KIF4A: variants seen among roughly 807,000 people sequenced by gnomAD.
The protein encoded by KIF4A is kinesin family member 4A.
A neutral mutation model predicts 105.9 loss-of-function variants in KIF4A; 7 were observed. The observed-to-expected ratio is 0.07, with a 90% CI of 0.04 to 0.12. The LOEUF is 0.12. Among genes scored for constraint, KIF4A ranks in the 10% least tolerant of loss-of-function variants. The pLI is 1.00. For missense variants in KIF4A, 558 were observed against 929.2 expected (o/e 0.60, Z 5.19); for synonymous variants, 281 against 331.3 (o/e 0.85, Z 1.65).
chrX:70,367,914 A>G (rs1169872551), intron 15 of KIF4A, among the ~76,000 whole-genome samples: 4 of 111,514 alleles, frequency 3.6e-5, no homozygotes, highest in African/African-American at 1.3e-4. Flanking sequence ...TGGTCTTTTC[A>G]CATAGTCCCA....
intron 13 of KIF4A, among the ~76,000 whole-genome samples, chrX:70,351,008 C>G (rs2086028076): frequency 9.0e-6 from 1 of 111,604 alleles, no homozygotes; most frequent in African/African-American, 3.3e-5. Flanking sequence ...CAAATTAGTC[C>G]TATTAAGTAG....
chrX:70,290,380 T>C (rs1172496379), intron 1 of KIF4A, 58 bp from the exon 2 acceptor site: 4 of 1,148,722 alleles, frequency 3.5e-6, no homozygotes, highest in Non-Finnish European at 1.2e-6. Flanking sequence ...GAGGACGCCC[T>C]CCCACCCCTG....
chrX:70,290,417 C>G (rs1026859684), intron 1 of KIF4A, 21 bp from the exon 2 acceptor site: 3 of 1,189,917 alleles, frequency 2.5e-6, no homozygotes, highest in Non-Finnish European at 3.4e-6. Context: ...CATCAGCGAG[C>G]CTTCTTTTTC....
chrX:70,414,317 T>G (rs900697640), intron 28 of KIF4A, among the ~76,000 whole-genome samples: 1 of 111,679 alleles, frequency 9.0e-6, no homozygotes, highest in Non-Finnish European at 1.9e-5. Flanking sequence ...GCAAAGGTGA[T>G]GGTTCTCATA....
chrX:70,371,589 C>A (rs2086133466), intron 15 of KIF4A, among the ~76,000 whole-genome samples: 1 of 107,331 alleles, frequency 9.3e-6, no homozygotes. Flanking sequence ...GACGGGGCAG[C>A]TGGCCGGGCG....
intron 7 of KIF4A, among the ~76,000 whole-genome samples, chrX:70,319,396 T>G (rs2085882304): frequency 8.9e-6 from 1 of 112,381 alleles, no homozygotes; most frequent in Non-Finnish European, 1.9e-5. Flanking sequence ...ACTGTTTTTT[T>G]TATACATGAT....
In KIF4A at chrX:70,290,822, C is replaced by T. The variant is rs776382166; in HGVS notation, c.235+17C>T. 4 of 1,044,525 alleles carry T rather than the reference C, an allele frequency of 3.8e-6. No homozygotes were observed. In the East Asian group the frequency reaches 9.1e-5, roughly 24 times the overall value. 86.1% of individuals were successfully genotyped at this position (1,044,525 alleles called of 1,213,427 possible). ...TATTTAAAGGTAAGGCGATTTGATT[C>T]CTCGAACGTAACATATATATTCCTT... On this transcript the variant is annotated intron_variant, in intron 3 of 30. Transcript: ENST00000374403.
At chrX:70,329,672 G>A in intron 8 of KIF4A, 151 bp downstream of exon 8, 1 of 447,908 alleles carries the variant, frequency 2.2e-6, no homozygotes, top group Non-Finnish European at 3.8e-6. Flanking sequence ...TTGGCAAGCA[G>A]GTTTCTAAGA....
At chrX:70,376,360 A>G (rs1015301754) in intron 18 of KIF4A, 150 bp downstream of exon 18, 1 of 422,251 alleles carries the variant, frequency 2.4e-6, no homozygotes, top group South Asian at 4.6e-5. Context: ...TACTATGTCT[A>G]TTATGTGCAA....
chrX:70,314,729 G>A, intron 7 of KIF4A, among the ~76,000 whole-genome samples: 1 of 110,961 alleles, frequency 9.0e-6, no homozygotes, highest in Non-Finnish European at 1.9e-5. Flanking sequence ...TGAGCGAGGG[G>A]CACTCATATT....
chrX:70,348,796 C>T (rs1209645751), intron 13 of KIF4A, among the ~76,000 whole-genome samples: 1 of 111,924 alleles, frequency 8.9e-6, no homozygotes, highest in African/African-American at 3.3e-5. Context: ...TTTCTTTTCC[C>T]CACATTTCCC....
At chrX:70,294,442 A>G (rs1301902791) in intron 3 of KIF4A, among the ~76,000 whole-genome samples, 1 of 112,848 alleles carries the variant, frequency 8.9e-6, no homozygotes, top group African/African-American at 3.2e-5. Flanking sequence ...AGTAACAATC[A>G]TTTATTATTA....
intron 7 of KIF4A, among the ~76,000 whole-genome samples, chrX:70,322,708 CTTT>C (rs200358355): frequency 1.4e-4 from 14 of 99,963 alleles, no homozygotes; most frequent in Admixed American, 2.2e-4. Context: ...GTTCTATGCT[CTTT>C]TTTTTTTTTT....
At chrX:70,291,664 A>C (rs2085761536) in intron 3 of KIF4A, among the ~76,000 whole-genome samples, 1 of 111,863 alleles carries the variant, frequency 8.9e-6, no homozygotes, top group South Asian at 3.7e-4. Flanking sequence ...GAATCATGGC[A>C]TGCTAGTGCC....
At chrX:70,384,250 A>G (rs1416175699) in intron 18 of KIF4A, among the ~76,000 whole-genome samples, 1 of 111,911 alleles carries the variant, frequency 8.9e-6, no homozygotes, top group Admixed American at 9.6e-5. Context: ...AATGATTTTA[A>G]TCATAATTAA....
intron 7 of KIF4A, among the ~76,000 whole-genome samples, chrX:70,304,160 A>T (rs1429742386): frequency 1.1e-5 from 1 of 92,534 alleles, no homozygotes; most frequent in African/African-American, 4.0e-5. Context: ...TCATTGTGCA[A>T]TTCCCACCTA....
In KIF4A at chrX:70,342,887, C is replaced by T. The variant is rs763909556; in HGVS notation, c.1267-816C>T. ...TTCTTATTCTATCCACATACTCATC[C>T]GACCTTTATAAGGTTGTTACAGTGT... On this transcript the variant is annotated intron_variant, in intron 11 of 30. Coordinates refer to ENST00000374403, the MANE Select transcript of KIF4A (RefSeq NM_012310.5). Among the ~76,000 whole-genome samples the T allele has an allele frequency of 8.9e-5, 10 of 112,350 alleles. No homozygotes were observed. In the East Asian group the frequency reaches 2.0e-3, roughly 22 times the overall value.
Position 70,353,693 on chromosome X carries a change from G to T in KIF4A, c.1560G>T (p.Ala520=), listed in dbSNP as rs754387866. Residue 520 remains alanine (A), a synonymous_variant, in exon 15 of 31, where the codon GCG becomes GCT. Coordinates refer to ENST00000374403, the MANE Select transcript of KIF4A (RefSeq NM_012310.5). Reference sequence around the variant, plus strand: ...CCACTCAGCATGCTCTCCGTCAAGCGCAGATGTCTAAGGAGCTGGTTGAGT... The same window carrying T: ...CCACTCAGCATGCTCTCCGTCAAGCTCAGATGTCTAAGGAGCTGGTTGAGT... ...AFTTQHALRQ[A]QMSKELVELN... The T allele has an allele frequency of 9.1e-6, 11 of 1,208,924 alleles. No homozygotes were observed. In the East Asian group the frequency reaches 3.0e-4, roughly 33 times the overall value.
intron 15 of KIF4A, among the ~76,000 whole-genome samples, chrX:70,355,772 G>A (rs188728631): frequency 9.0e-6 from 1 of 111,400 alleles, no homozygotes; most frequent in Non-Finnish European, 1.9e-5. Flanking sequence ...GAGAGGAGCA[G>A]GATACCAGGG....
Sources: gnomAD v4.1 joint callset for allele counts (sites outside exome capture counted in the v4.1 genomes callset) on GRCh38, gnomAD v4.1.1 for gene constraint, MANE v1.5 for transcripts, NCBI Gene and HGNC (gene_info 2026-07-23, HGNC 2026-07-21) for gene names.